WNK2: variants seen among roughly 807,000 people sequenced by gnomAD.
WNK2 encodes WNK lysine deficient protein kinase 2.
In WNK2, 67 loss-of-function variants were observed where a neutral mutation model predicts 192.1. The ratio of observed to expected loss-of-function variants is 0.35; its 90% CI spans 0.29 to 0.43. The LOEUF (loss-of-function observed/expected upper bound fraction) is 0.43, where lower values mean the gene tolerates loss of function less well. Ranked by LOEUF, WNK2 falls within the 20% of genes least tolerant of loss-of-function variation. WNK2 has a pLI of 1.00. For synonymous variants in WNK2, 1,439 were observed against 1,393.9 expected, an observed-to-expected ratio of 1.03 and a Z score of -0.72; for missense variants, 2,698 against 3,089.7, an observed-to-expected ratio of 0.87 and a Z score of 3.01.
chr9:93,185,249 C>T lies in WNK2; in HGVS notation c.320C>T (p.Ala107Val), dbSNP rs1260574946. ...GCAGCGCTGGTAGCGCAGCCGGGAGCCCCCGGAGCCCCCGCGGACGCCGGC... is the reference window on the plus strand; with the variant it reads ...GCAGCGCTGGTAGCGCAGCCGGGAGTCCCCGGAGCCCCCGCGGACGCCGGC... ...APAALVAQPG[A>V]PGAPADAGPE... is the part of the protein sequence containing the mutation. Residue 107 changes from alanine to valine, a missense_variant, in exon 2 of 30, where the codon GCC (alanine) becomes GTC (valine). By Grantham distance (64) the Ala-to-Val change is moderately conservative. Coordinates refer to ENST00000427277, the MANE Select transcript of WNK2 (RefSeq NM_006648.4). The T allele has an allele frequency of 1.4e-5, 17 of 1,235,900 alleles. No individual in the cohort carries two copies. Among genetic ancestry groups the T allele is most frequent in the South Asian group, 3.2e-5 (1 of 31,010 alleles). The allele number at this position is 1,235,900 out of a possible 1,614,324, so 76.6% of individuals were successfully genotyped here.
In WNK2 at chr9:93,229,423, C is replaced by G. The variant is rs1165044793; in HGVS notation, c.682-273C>G. The stretch of plus-strand genomic sequence containing the variant: ...GAGGTGTATTTTTGGAAAAAGTGCT[C>G]AAGTGTGGCCGTGTGGATTTGCGAG... On this transcript the variant is annotated intron_variant, in intron 2 of 29. Transcript: ENST00000427277. This position sits in a 1 kb window ranked among gnomAD's most constrained non-coding sequence, Gnocchi z 4.9. Among the ~76,000 whole-genome samples the G allele has an allele frequency of 6.6e-6, 1 of 152,192 alleles. No homozygotes were observed.
Position 93,268,048 on chromosome 9 carries a change from C to T in WNK2, c.3896C>T (p.Pro1299Leu). Residue 1299 changes from proline to leucine, a missense_variant, in exon 18 of 30, where the codon CCC becomes CTC. Transcript: ENST00000427277. ...EESRQSQANA[P>L]VYQQNVLHTG... is the part of the protein sequence containing the mutation. ...AGCCGACAATCCCAAGCCAACGCCC[C>T]CGTGTATCAGCAGAACGGTGAGTCT... is the stretch of plus-strand genomic sequence containing the variant. 6.2e-7 allele frequency: 1 copy of T among 1,611,986 alleles called. No individual in the cohort carries two copies. Among genetic ancestry groups the T allele is most frequent in the Non-Finnish European group, 8.5e-7 (1 of 1,179,104 alleles).
In WNK2 at chr9:93,256,352, G is replaced by T; in HGVS notation, c.2088G>T (p.Gln696His). The change falls in exon 10 of 30, where the codon CAG (glutamine) becomes CAT (histidine). Residue 696 changes from glutamine to histidine, a missense_variant. Around this residue, in one of 7 missense-constraint regions of WNK2, gnomAD observed 893 missense variants for 909.0 expected, o/e 0.98. Coordinates refer to ENST00000427277, the MANE Select transcript of WNK2 (RefSeq NM_006648.4). The part of the protein sequence containing the change: ...VPAPACPPSL[Q>H]QHFPDPAMSF... ...CCCCCGCCTGCCCTCCGTCCCTCCA[G>T]CAGCACTTCCCGGATCCGGCCATGA... 1 of 1,585,642 alleles carries T rather than the reference G, an allele frequency of 6.3e-7. No individual in the cohort carries two copies. Among genetic ancestry groups the T allele is most frequent in the Middle Eastern group, 1.8e-4 (1 of 5,636 alleles).
intron 2 of WNK2, among the ~76,000 whole-genome samples, chr9:93,190,244 G>A (rs1182665491): frequency 6.6e-6 from 1 of 152,210 alleles, no homozygotes; most frequent in East Asian, 1.9e-4. Flanking sequence ...GCTCTCAGTG[G>A]TGCTTCTGCC....
At position 93,292,802 on chromosome 9, in the gene WNK2, C is replaced by A; in HGVS notation, c.5337C>A (p.Pro1779=). 1 of 1,543,490 alleles carries A rather than the reference C, an allele frequency of 6.5e-7. No homozygotes were observed. The part of the protein sequence containing the change: ...APPDVYLDEA[P]SSPDVKLAVR... ...CCGACGTCTACCTGGACGAGGCCCC[C>A]TCCAGCCCCGACGTGAAGCTGGCAG... Residue 1779 remains proline (P), a synonymous_variant, in exon 23 of 30, where the codon CCC becomes CCA. Coordinates refer to ENST00000427277, the MANE Select transcript of WNK2 (RefSeq NM_006648.4).
intron 4 of WNK2, among the ~76,000 whole-genome samples, chr9:93,232,603 C>G (rs552942818): frequency 6.6e-6 from 1 of 152,230 alleles, no homozygotes; most frequent in Non-Finnish European, 1.5e-5. Flanking sequence ...GAGGAAGAAG[C>G]ACAGCCCACT....
Position 93,297,973 on chromosome 9 carries a change from T to C in WNK2, c.5829T>C (p.Thr1943=). 6.4e-7 allele frequency: 1 copy of C among 1,569,540 alleles called. No homozygotes were observed. Among genetic ancestry groups the C allele is most frequent in the Non-Finnish European group, 8.6e-7 (1 of 1,158,576 alleles). The change falls in exon 24 of 30, where the codon ACT becomes ACC. Residue 1943 remains threonine, a synonymous_variant. Transcript: ENST00000427277. ...NVGFFHTAPP[T]GRRRKTSKSK... ...GCTTCTTCCACACGGCACCCCCCACTGGCCGCCGGAGAAAAACCAGCAAGA... is the reference window on the plus strand; with the variant it reads ...GCTTCTTCCACACGGCACCCCCCACCGGCCGCCGGAGAAAAACCAGCAAGA...
In WNK2 at chr9:93,247,159, G is replaced by A. The variant is rs1841867649; in HGVS notation, c.1543-384G>A. 6.6e-6 allele frequency among the ~76,000 whole-genome samples: 1 copy of A among 152,220 alleles called. No individual in the cohort carries two copies. The highest frequency in any genetic ancestry group is 6.5e-5 in the Admixed American group (1 of 15,282). ...AGCCCCAGACTCAGAGACGTTTCAG[G>A]AAAATGCTAGCTCCAAAGCTCCTTG... is the stretch of plus-strand genomic sequence containing the variant. On this transcript the variant is annotated intron_variant, in intron 7 of 29. Transcript: ENST00000427277. This position sits in a 1 kb window ranked among gnomAD's most constrained non-coding sequence, Gnocchi z 5.2.
intron 2 of WNK2, among the ~76,000 whole-genome samples, chr9:93,228,674 C>T (rs1288142181): frequency 1.3e-5 from 2 of 152,176 alleles, no homozygotes; most frequent in South Asian, 2.1e-4. Flanking sequence ...TTGGCTGGGC[C>T]TTTGGACATG....
rs1250257027 is a variant in WNK2 at position 93,320,330 on chromosome 9, G to GT, written c.6629-36dup. ...CCCTTGGCGAGTGGCCAGCACTGCGGTGGGCCCACAGTCAGCTGCGCGGTT... is the reference window on the plus strand; with the variant it reads ...CCCTTGGCGAGTGGCCAGCACTGCGGTTGGGCCCACAGTCAGCTGCGCGGTT... On this transcript the variant is annotated intron_variant, in intron 29 of 29. Coordinates refer to ENST00000427277, the MANE Select transcript of WNK2 (RefSeq NM_006648.4). 4.4e-6 allele frequency: 6 copies of GT among 1,367,238 alleles called. No individual in the cohort carries two copies. The African/African-American group carries it at 8.9e-5, about 20-fold the overall frequency. 84.7% of individuals were successfully genotyped at this position (1,367,238 alleles called of 1,614,324 possible).
intron 2 of WNK2, among the ~76,000 whole-genome samples, chr9:93,223,408 G>C (rs1837263821): frequency 6.6e-6 from 1 of 152,264 alleles, no homozygotes; most frequent in Admixed American, 6.5e-5. Context: ...TTCTTCCCCA[G>C]GCTGCCTGAA....
Position 93,185,616 on chromosome 9 carries a change from G to A in WNK2, c.681+6G>A. On this transcript the variant is annotated splice_donor_region_variant and intron_variant, in intron 2 of 29. Transcript: ENST00000427277. Reference sequence around the variant, plus strand: ...TGGCCTGGTGTGAGCTGCAGGTGAGGGTGCCCCAGCCCGCAGGGGGCTTTC... The same window carrying A: ...TGGCCTGGTGTGAGCTGCAGGTGAGAGTGCCCCAGCCCGCAGGGGGCTTTC... The A allele has an allele frequency of 1.9e-6, 3 of 1,606,910 alleles. No homozygotes were observed. The highest frequency in any genetic ancestry group is 2.5e-6 in the Non-Finnish European group (3 of 1,176,974).
rs76956835 is a variant in WNK2, at chr9:93,257,882, G to A, written c.2382+743G>A. On this transcript the variant is annotated intron_variant, in intron 11 of 29. Transcript: ENST00000427277. The surrounding 1 kb of genome is among the most constrained non-coding windows in gnomAD (Gnocchi z 4.7). ...ATGTAGCCGGGGCCAGGGCACCATT[G>A]CCCAGGTAAATGGCATGGAGGATTC... Among the ~76,000 whole-genome samples the A allele has an allele frequency of 0.011, 1,687 of 152,346 alleles. 32 individuals carry two copies. Among genetic ancestry groups the A allele is most frequent in the East Asian group, 0.048 (248 of 5,190 alleles).
chr9:93,298,073 C>T lies in WNK2; in HGVS notation c.5923+6C>T, dbSNP rs986775239. 3 of 1,548,670 alleles carry T rather than the reference C, an allele frequency of 1.9e-6. No homozygotes were observed. The highest frequency in any genetic ancestry group is 2.6e-6 in the Non-Finnish European group (3 of 1,146,948). The stretch of plus-strand genomic sequence containing the variant: ...GGTCGTGGCCTCCAGCACAGGTCGG[C>T]CTCCGGGTGCAGGGCTGGGATGGGA... On this transcript the variant is annotated splice_donor_region_variant and intron_variant, in intron 24 of 29. Transcript: ENST00000427277.
intron 19 of WNK2, among the ~76,000 whole-genome samples, chr9:93,273,942 G>A (rs1420960136): frequency 6.6e-6 from 1 of 152,194 alleles, no homozygotes; most frequent in Non-Finnish European, 1.5e-5. Context: ...GTGGGATGTA[G>A]TTAAAGCAGT....
At chr9:93,206,653 C>T (rs1324014990) in intron 2 of WNK2, among the ~76,000 whole-genome samples, 2 of 152,168 alleles carry the variant, frequency 1.3e-5, no homozygotes, top group African/African-American at 4.8e-5. Flanking sequence ...TGTGCTTGGC[C>T]CTCCCTTGCA....
At chr9:93,317,944 G>C (rs1250210300) in intron 29 of WNK2, 1 of 1,610,962 alleles carries the variant, frequency 6.2e-7, no homozygotes, top group Admixed American at 1.7e-5. Flanking sequence ...CGCCTGCTGT[G>C]GGCACAGCAC....
intron 2 of WNK2, among the ~76,000 whole-genome samples, chr9:93,217,640 C>T (rs1835991064): frequency 6.6e-6 from 1 of 152,204 alleles, no homozygotes. Flanking sequence ...TTCCATGGTC[C>T]TCCTGTGGCC....
chr9:93,317,785 T>C, intron 29 of WNK2, 154 bp downstream of exon 29: 1 of 1,473,528 alleles, frequency 6.8e-7, no homozygotes, highest in Non-Finnish European at 9.1e-7. Context: ...CAGGTGCCCG[T>C]GCTGCCAGTC....
Sources: gnomAD v4.1 joint callset for allele counts (sites outside exome capture counted in the v4.1 genomes callset) on GRCh38, gnomAD v4.1.1 for gene constraint, gnomAD v4.1.1 regional missense constraint, Gnocchi (gnomAD v3.1) non-coding constraint, MANE v1.5 for transcripts, NCBI Gene and HGNC (gene_info 2026-07-23, HGNC 2026-07-21) for gene names.